Variants in ARHGAP18 observed in about 807,000 individuals in gnomAD.
ARHGAP18 encodes rho GTPase-activating protein 18.
A neutral mutation model predicts 86.2 loss-of-function variants in ARHGAP18; 67 were observed. The ratio of observed to expected loss-of-function variants is 0.78; its 90% CI spans 0.64 to 0.95. The LOEUF (loss-of-function observed/expected upper bound fraction) is 0.95. ARHGAP18 is among the 40% of genes least tolerant of loss of function. ARHGAP18 has a pLI of 0.00. For missense variants in ARHGAP18, 691 were observed against 780.4 expected (o/e 0.89, Z 1.37); for synonymous variants, 283 against 280.4 (o/e 1.01, Z -0.09).
At chr6:129,703,012 A>G (rs1010533374) in intron 1 of ARHGAP18, among the ~76,000 whole-genome samples, 6 of 152,070 alleles carry the variant, frequency 3.9e-5, no homozygotes, top group African/African-American at 7.2e-5. Context: ...ACAAAAAAAA[A>G]AAGAAGAAGA....
intron 7 of ARHGAP18, among the ~76,000 whole-genome samples, chr6:129,615,652 T>G (rs1456668781): frequency 6.6e-6 from 1 of 152,230 alleles, no homozygotes; most frequent in Non-Finnish European, 1.5e-5. Context: ...AAATGTAATC[T>G]GTATTTCTGA....
At chr6:129,619,083 G>A (rs1271734702) in intron 5 of ARHGAP18, among the ~76,000 whole-genome samples, 2 of 150,264 alleles carry the variant, frequency 1.3e-5, no homozygotes, top group Admixed American at 6.6e-5. Context: ...GGAACAGACC[G>A]CAAACTCGGA....
chr6:129,645,762 C>CT (rs143860674), intron 1 of ARHGAP18, among the ~76,000 whole-genome samples: 12,534 of 152,140 alleles, frequency 0.082, 656 homozygotes, highest in African/African-American at 0.15. Context: ...ATCATTTTGC[C>CT]TTTTTTTACC....
intron 5 of ARHGAP18, among the ~76,000 whole-genome samples, chr6:129,619,678 A>G (rs918746950): frequency 6.7e-6 from 1 of 148,256 alleles, no homozygotes; most frequent in Non-Finnish European, 1.5e-5. Context: ...TGACATGAAG[A>G]AGACAAGTAG....
intron 12 of ARHGAP18, among the ~76,000 whole-genome samples, chr6:129,590,585 A>G (rs1477451743): frequency 2.6e-5 from 4 of 152,166 alleles, no homozygotes; most frequent in Non-Finnish European, 5.9e-5. Flanking sequence ...TCCCTCAATG[A>G]GCAGAGGATG....
chr6:129,605,622 C>G (rs1054844400), intron 10 of ARHGAP18, among the ~76,000 whole-genome samples: 1 of 151,752 alleles, frequency 6.6e-6, no homozygotes, highest in Non-Finnish European at 1.5e-5. Context: ...CATTAACCGA[C>G]GAACCTCAAT....
intron 6 of ARHGAP18, among the ~76,000 whole-genome samples, chr6:129,616,774 C>A (rs1392331542): frequency 6.6e-6 from 1 of 151,962 alleles, no homozygotes; most frequent in Non-Finnish European, 1.5e-5. Context: ...GGCAACATAG[C>A]AAGACTTTAT....
At chr6:129,593,084 C>T (rs1184328371) in intron 12 of ARHGAP18, among the ~76,000 whole-genome samples, 1 of 152,130 alleles carries the variant, frequency 6.6e-6, no homozygotes. Flanking sequence ...ACGATACACA[C>T]GCCCAAGTCC....
chr6:129,583,053 A>G lies in ARHGAP18; in HGVS notation c.1838+935T>C, dbSNP rs573156276. Among the ~76,000 whole-genome samples, 31 of 152,338 alleles carry G rather than the reference A, an allele frequency of 2.0e-4. No homozygotes were observed. In the East Asian group the frequency reaches 3.9e-3, roughly 19 times the overall value. On this transcript the variant is annotated intron_variant, in intron 13 of 14. Transcript: ENST00000368149. ...TCCAATTATGGTACTAGAAGTATTTAACATGTTTCTGTTCTGTTTAAGGCC... is the reference window on the plus strand; with the variant it reads ...TCCAATTATGGTACTAGAAGTATTTGACATGTTTCTGTTCTGTTTAAGGCC...
At chr6:129,625,675 TTA>T (rs1412441675) in intron 5 of ARHGAP18, among the ~76,000 whole-genome samples, 5 of 36,832 alleles carry the variant, frequency 1.4e-4, no homozygotes, top group East Asian at 1.2e-3. Flanking sequence ...TTATATTATA[TTA>T]TATATATTTA....
chr6:129,700,808 T>C lies in ARHGAP18; in HGVS notation c.113+9216A>G, dbSNP rs529932490. Among the ~76,000 whole-genome samples the C allele has an allele frequency of 9.8e-5, 15 of 152,288 alleles. No homozygotes were observed. In the South Asian group the frequency reaches 1.0e-3, roughly 11 times the overall value. ...AAAATTGAGGCCCTGAAACATTAAA[T>C]AGCCCAGAGTCACAAGCTGCTACAT... On this transcript the variant is annotated intron_variant, in intron 1 of 14. Coordinates refer to ENST00000368149, the MANE Select transcript of ARHGAP18 (RefSeq NM_033515.3).
rs1470761750 is a variant in ARHGAP18 at position 129,685,806 on chromosome 6, AT to A, written c.113+24217del. On this transcript the variant is annotated intron_variant, in intron 1 of 14. Transcript: ENST00000368149. ...TTTCCCCTCTGATCTACACACAAAAATGAATTTAGTTAATACTTGAGTTCCC... is the reference window on the plus strand; with the variant it reads ...TTTCCCCTCTGATCTACACACAAAAAGAATTTAGTTAATACTTGAGTTCCC... 7.1e-4 allele frequency among the ~76,000 whole-genome samples: 107 copies of A among 151,450 alleles called. 1 individual carries two copies. The highest frequency in any genetic ancestry group is 1.2e-4 in the Non-Finnish European group (8 of 67,710).
intron 1 of ARHGAP18, among the ~76,000 whole-genome samples, chr6:129,688,722 G>A (rs1308316592): frequency 2.0e-5 from 3 of 151,972 alleles, no homozygotes; most frequent in Admixed American, 2.0e-4. Context: ...AACCCAAGAG[G>A]CAGAGGTTGC....
chr6:129,599,979 C>G (rs1788704296), intron 11 of ARHGAP18, among the ~76,000 whole-genome samples: 1 of 152,062 alleles, frequency 6.6e-6, no homozygotes, highest in Non-Finnish European at 1.5e-5. Flanking sequence ...TTGAAATCAT[C>G]TACATCAGTT....
chr6:129,664,535 G>A (rs1019591972), intron 1 of ARHGAP18, among the ~76,000 whole-genome samples: 1 of 152,094 alleles, frequency 6.6e-6, no homozygotes, highest in Non-Finnish European at 1.5e-5. Context: ...GGTGTCTTAG[G>A]AGTCACCTAG....
intron 9 of ARHGAP18, among the ~76,000 whole-genome samples, chr6:129,607,013 C>T (rs1295852206): frequency 6.6e-6 from 1 of 151,924 alleles, no homozygotes; most frequent in Non-Finnish European, 1.5e-5. Context: ...GTGCGCACCA[C>T]TATGCCTGGC....
At chr6:129,636,885 C>T (rs766095187) in intron 3 of ARHGAP18, among the ~76,000 whole-genome samples, 5 of 152,112 alleles carry the variant, frequency 3.3e-5, no homozygotes, top group Non-Finnish European at 5.9e-5. Context: ...CATCTAGATC[C>T]GCTGATTTTT....
intron 12 of ARHGAP18, among the ~76,000 whole-genome samples, chr6:129,590,400 G>A (rs1176954070): frequency 1.3e-5 from 2 of 152,122 alleles, no homozygotes; most frequent in African/African-American, 4.8e-5. Flanking sequence ...TTAATAGAGA[G>A]TCCCAAGATA....
At chr6:129,691,314 A>C (rs1181236473) in intron 1 of ARHGAP18, among the ~76,000 whole-genome samples, 2 of 152,242 alleles carry the variant, frequency 1.3e-5, no homozygotes, top group Non-Finnish European at 2.9e-5. Flanking sequence ...CTCCACTTAC[A>C]GAAAAAGAAA....
Sources: gnomAD v4.1 joint callset for allele counts (sites outside exome capture counted in the v4.1 genomes callset) on GRCh38, gnomAD v4.1.1 for gene constraint, MANE v1.5 for transcripts, NCBI Gene and HGNC (gene_info 2026-07-23, HGNC 2026-07-21) for gene names.